TMEM108: variants seen among roughly 807,000 people sequenced by gnomAD.
TMEM108 encodes cancer/testis antigen 124.
In TMEM108, 12 loss-of-function variants were observed where a neutral mutation model predicts 35.1. That is an observed-to-expected ratio of 0.34 (90% CI 0.22 to 0.55). The LOEUF (loss-of-function observed/expected upper bound fraction) is 0.55, where lower values mean the gene tolerates loss of function less well. TMEM108 is among the 20% of genes least tolerant of loss of function. TMEM108 has a pLI of 0.89. For synonymous variants in TMEM108, 287 were observed against 308.6 expected (o/e 0.93, Z 0.73); for missense variants, 680 against 753.3 (o/e 0.90, Z 1.14).
At chr3:133,271,596 G>A (rs1320984917) in intron 3 of TMEM108, among the ~76,000 whole-genome samples, 3 of 152,182 alleles carry the variant, frequency 2.0e-5, no homozygotes, top group Non-Finnish European at 4.4e-5. Flanking sequence ...CAGTATGGTG[G>A]CTTCACACGA....
chr3:133,162,174 A>C (rs977364979), intron 2 of TMEM108, among the ~76,000 whole-genome samples: 7 of 152,124 alleles, frequency 4.6e-5, no homozygotes, highest in African/African-American at 1.7e-4. Context: ...TATATACAAA[A>C]GGTTGATCTC....
intron 2 of TMEM108, among the ~76,000 whole-genome samples, chr3:133,200,855 G>T (rs1052010663): frequency 6.6e-6 from 1 of 152,082 alleles, no homozygotes; most frequent in Non-Finnish European, 1.5e-5. Context: ...TTAAAATTTG[G>T]TTCCCTAGTT....
At chr3:133,066,525 A>G (rs1269357856) in intron 2 of TMEM108, among the ~76,000 whole-genome samples, 1 of 152,156 alleles carries the variant, frequency 6.6e-6, no homozygotes, top group Admixed American at 6.5e-5. Flanking sequence ...TTTTGCATGG[A>G]CACATATATG....
intron 2 of TMEM108, among the ~76,000 whole-genome samples, chr3:133,162,129 G>C (rs944177632): frequency 6.6e-6 from 1 of 151,766 alleles, no homozygotes; most frequent in Non-Finnish European, 1.5e-5. Flanking sequence ...AGCTGTACTT[G>C]TGGAGCATTG....
intron 2 of TMEM108, chr3:133,074,315 A>T (rs1247710204): frequency 3.9e-5 from 6 of 152,102 alleles, no homozygotes; most frequent in African/African-American, 1.2e-4. Flanking sequence ...TCATGTACAG[A>T]TGCTTTTCAA....
intron 2 of TMEM108, among the ~76,000 whole-genome samples, chr3:133,157,733 G>T (rs1449808294): frequency 3.9e-5 from 6 of 152,194 alleles, no homozygotes; most frequent in Admixed American, 2.0e-4. Context: ...CTGCATTAAA[G>T]AATATAGTAA....
intron 2 of TMEM108, among the ~76,000 whole-genome samples, chr3:133,161,452 G>A (rs1944960492): frequency 1.3e-5 from 2 of 152,214 alleles, no homozygotes; most frequent in East Asian, 3.9e-4. Context: ...CTGTTCTGTT[G>A]TATCTCCAAT....
chr3:133,265,368 G>A (rs1393901851), intron 3 of TMEM108, among the ~76,000 whole-genome samples: 1 of 152,148 alleles, frequency 6.6e-6, no homozygotes, highest in African/African-American at 2.4e-5. Context: ...TTGGTAGGCA[G>A]AACACATACT....
intron 3 of TMEM108, among the ~76,000 whole-genome samples, chr3:133,340,976 A>G (rs930283480): frequency 4.6e-5 from 7 of 151,776 alleles, no homozygotes; most frequent in African/African-American, 1.4e-4. Context: ...GGGAAAAACT[A>G]AAAGACTTTC....
intron 3 of TMEM108, among the ~76,000 whole-genome samples, chr3:133,293,104 G>A (rs1367158113): frequency 7.9e-5 from 12 of 152,078 alleles, no homozygotes; most frequent in Admixed American, 7.9e-4. Flanking sequence ...TGCTTTTTCT[G>A]AGACACAAAG....
intron 2 of TMEM108, among the ~76,000 whole-genome samples, chr3:133,185,699 C>T (rs1489710049): frequency 6.6e-6 from 1 of 151,870 alleles, no homozygotes; most frequent in East Asian, 1.9e-4. Context: ...TGTCAGAAAA[C>T]TTGCACCCAA....
At chr3:133,154,508 A>G (rs1239296687) in intron 2 of TMEM108, among the ~76,000 whole-genome samples, 1 of 152,166 alleles carries the variant, frequency 6.6e-6, no homozygotes, top group African/African-American at 2.4e-5. Flanking sequence ...TGGCACATAT[A>G]CACCATGGAA....
chr3:133,210,508 A>G (rs1945820337), intron 2 of TMEM108, among the ~76,000 whole-genome samples: 1 of 152,180 alleles, frequency 6.6e-6, no homozygotes, highest in Non-Finnish European at 1.5e-5. Context: ...ACCTAGGGAT[A>G]TATGTTTGAA....
intron 3 of TMEM108, among the ~76,000 whole-genome samples, chr3:133,272,926 T>C (rs1318881181): frequency 1.3e-5 from 2 of 152,178 alleles, no homozygotes; most frequent in Non-Finnish European, 2.9e-5. Flanking sequence ...GGAACAGTTC[T>C]ACCAATGACA....
intron 3 of TMEM108, among the ~76,000 whole-genome samples, chr3:133,339,304 A>G (rs1435742257): frequency 1.3e-5 from 2 of 151,898 alleles, no homozygotes; most frequent in Non-Finnish European, 3.0e-5. Context: ...AAAAAAGTGC[A>G]GTAGCTATAC....
At chr3:133,331,680 G>A (rs2071395306) in intron 3 of TMEM108, among the ~76,000 whole-genome samples, 1 of 152,142 alleles carries the variant, frequency 6.6e-6, no homozygotes, top group Admixed American at 6.5e-5. Flanking sequence ...GACCCGTACT[G>A]ATTATCATTT....
chr3:133,193,974 TC>T (rs1271393190), intron 2 of TMEM108, among the ~76,000 whole-genome samples: 4 of 150,488 alleles, frequency 2.7e-5, no homozygotes, highest in Non-Finnish European at 5.9e-5. Context: ...CCTCACTCTG[TC>T]ACTCAGGCTG....
intron 3 of TMEM108, among the ~76,000 whole-genome samples, chr3:133,300,559 A>C (rs761657597): frequency 2.0e-5 from 3 of 152,180 alleles, no homozygotes; most frequent in Non-Finnish European, 4.4e-5. Flanking sequence ...CACACCATGC[A>C]GTGCCACATG....
chr3:133,060,328 C>T (rs1943521211), intron 2 of TMEM108, among the ~76,000 whole-genome samples: 1 of 152,084 alleles, frequency 6.6e-6, no homozygotes, highest in African/African-American at 2.4e-5. Flanking sequence ...AGTAGCTTGC[C>T]CAAGGTCAGT....
Sources: gnomAD v4.1 joint callset for allele counts (sites outside exome capture counted in the v4.1 genomes callset) on GRCh38, gnomAD v4.1.1 for gene constraint, MANE v1.5 for transcripts, NCBI Gene and HGNC (gene_info 2026-07-23, HGNC 2026-07-21) for gene names.